Variants in PALLD observed in about 807,000 individuals in gnomAD.
PALLD encodes the protein palladin.
In PALLD, 61 loss-of-function variants were observed where a neutral mutation model predicts 123.5. The ratio of observed to expected loss-of-function variants is 0.49; its 90% CI spans 0.40 to 0.61. The LOEUF is 0.61. Among genes scored for constraint, PALLD ranks in the 20% least tolerant of loss-of-function variants. The pLI is 0.00. For synonymous variants in PALLD, 465 were observed against 496.4 expected, an observed-to-expected ratio of 0.94 and a Z score of 0.84; for missense variants, 1,273 against 1,377.0, an observed-to-expected ratio of 0.92 and a Z score of 1.20.
chr4:168,526,402 G>A (rs1199736791), intron 2 of PALLD, among the ~76,000 whole-genome samples: 1 of 152,334 alleles, frequency 6.6e-6, no homozygotes, highest in Non-Finnish European at 1.5e-5. Flanking sequence ...TGGTTGAAAT[G>A]TTAAACCTTC....
At chr4:168,615,708 G>T (rs935552634) in intron 2 of PALLD, among the ~76,000 whole-genome samples, 5 of 152,174 alleles carry the variant, frequency 3.3e-5, no homozygotes, top group African/African-American at 7.2e-5. Context: ...CCAGCCAAGG[G>T]GGGTGCTTGT....
chr4:168,744,322 G>C (rs1276063248), intron 10 of PALLD, among the ~76,000 whole-genome samples: 1 of 152,162 alleles, frequency 6.6e-6, no homozygotes, highest in Admixed American at 6.5e-5. Flanking sequence ...TAGGAATATA[G>C]ATCAGTGAGA....
chr4:168,823,236 G>T (rs1172716478), intron 10 of PALLD, among the ~76,000 whole-genome samples: 1 of 152,122 alleles, frequency 6.6e-6, no homozygotes, highest in African/African-American at 2.4e-5. Flanking sequence ...GAATAAATTG[G>T]CCCTGCCTAA....
chr4:168,864,896 A>G (rs971169749), intron 10 of PALLD, among the ~76,000 whole-genome samples: 1 of 152,252 alleles, frequency 6.6e-6, no homozygotes, highest in Non-Finnish European at 1.5e-5. Context: ...CAGATGAATA[A>G]CTGTTGACTA....
rs115783068 is a variant in PALLD, at chr4:168,821,567, T to A, written c.1965-69355T>A. Among the ~76,000 whole-genome samples, 789 of 152,194 alleles carry A rather than the reference T, an allele frequency of 5.2e-3. 5 individuals carry two copies. The highest frequency in any genetic ancestry group is 0.017 in the African/African-American group (722 of 41,536). ...AGAGAGAAAAATTTGAAGAATTAGA[T>A]GAATATACGTATAAAGAGAAGTTTT... is the stretch of plus-strand genomic sequence containing the variant. On this transcript the variant is annotated intron_variant, in intron 10 of 21. Coordinates refer to ENST00000505667, the MANE Select transcript of PALLD (RefSeq NM_001166108.2).
At chr4:168,732,576 A>G (rs772495019) in intron 10 of PALLD, among the ~76,000 whole-genome samples, 2 of 152,224 alleles carry the variant, frequency 1.3e-5, no homozygotes, top group Non-Finnish European at 2.9e-5. Context: ...AAACACAAAT[A>G]TCTATAAGGC....
At chr4:168,811,561 C>T (rs1741115372) in intron 10 of PALLD, among the ~76,000 whole-genome samples, 1 of 151,978 alleles carries the variant, frequency 6.6e-6, no homozygotes, top group Admixed American at 6.6e-5. Context: ...ATAGTGAGAC[C>T]TCATCTACAA....
At chr4:168,643,865 C>T (rs974196472) in intron 2 of PALLD, among the ~76,000 whole-genome samples, 1 of 152,022 alleles carries the variant, frequency 6.6e-6, no homozygotes, top group African/African-American at 2.4e-5. Context: ...TCCCTACTTC[C>T]CGATTAGGAA....
Position 168,533,737 on chromosome 4 carries a change from G to A in PALLD, c.908+21325G>A, listed in dbSNP as rs1314976276. On this transcript the variant is annotated intron_variant, in intron 2 of 21. Coordinates refer to ENST00000505667, the MANE Select transcript of PALLD (RefSeq NM_001166108.2). ...GCAGACAAGAAAGAAAAGGACTCAT[G>A]ACAGATCCATGTGGAGAGCCTGCAC... 3.9e-5 allele frequency among the ~76,000 whole-genome samples: 6 copies of A among 152,262 alleles called. No homozygotes were observed. The East Asian group carries it at 1.2e-3, about 29-fold the overall frequency.
chr4:168,591,303 C>T (rs1450862745), intron 2 of PALLD, among the ~76,000 whole-genome samples: 3 of 152,188 alleles, frequency 2.0e-5, no homozygotes, highest in Non-Finnish European at 4.4e-5. Context: ...ATGAGTCTGC[C>T]TGCTGAGGTG....
chr4:168,539,194 G>T (rs2149501719), intron 2 of PALLD, among the ~76,000 whole-genome samples: 1 of 152,274 alleles, frequency 6.6e-6, no homozygotes, highest in East Asian at 1.9e-4. Context: ...GAGGCTTAGA[G>T]AAATTAAGTA....
intron 2 of PALLD, among the ~76,000 whole-genome samples, chr4:168,649,551 T>C (rs1302130503): frequency 2.6e-5 from 4 of 152,222 alleles, no homozygotes; most frequent in South Asian, 4.1e-4. Flanking sequence ...TTTCTGTGCC[T>C]CCACAATGGT....
chr4:168,889,542 G>A (rs560428854), intron 10 of PALLD, among the ~76,000 whole-genome samples: 8 of 152,140 alleles, frequency 5.3e-5, no homozygotes, highest in East Asian at 3.9e-4. Context: ...CAATTTATAC[G>A]TATACCTCAA....
rs914773545 is a variant in PALLD, at chr4:168,586,588, T to A, written c.908+74176T>A. Among the ~76,000 whole-genome samples, 3 of 152,148 alleles carry A rather than the reference T, an allele frequency of 2.0e-5. No individual in the cohort carries two copies. In the East Asian group the frequency reaches 5.8e-4, roughly 29 times the overall value. On this transcript the variant is annotated intron_variant, in intron 2 of 21. Transcript: ENST00000505667. The stretch of plus-strand genomic sequence containing the variant: ...CTGCCAAGCTAAAACGTAAGCTGAA[T>A]CATTGTGCAAGTATGGATTAGAACC...
intron 6 of PALLD, among the ~76,000 whole-genome samples, chr4:168,688,331 G>T (rs1040730888): frequency 1.3e-5 from 2 of 152,212 alleles, no homozygotes; most frequent in African/African-American, 4.8e-5. Context: ...TCTCACAGCT[G>T]GTCAGAGGCA....
At chr4:168,636,834 A>C (rs1364649802) in intron 2 of PALLD, among the ~76,000 whole-genome samples, 1 of 152,166 alleles carries the variant, frequency 6.6e-6, no homozygotes, top group Admixed American at 6.5e-5. Flanking sequence ...AGAAACGAGG[A>C]GCTACAGAGC....
chr4:168,841,634 T>G (rs760021317), intron 10 of PALLD, among the ~76,000 whole-genome samples: 2 of 152,216 alleles, frequency 1.3e-5, no homozygotes, highest in Non-Finnish European at 2.9e-5. Context: ...GCTCTCTGTC[T>G]GCTCCTTCTG....
At chr4:168,707,303 T>G (rs1027029190) in intron 8 of PALLD, among the ~76,000 whole-genome samples, 8 of 152,114 alleles carry the variant, frequency 5.3e-5, no homozygotes, top group African/African-American at 1.9e-4. Flanking sequence ...ATTCGGTGGG[T>G]GAACTATTTG....
chr4:168,628,302 T>C (rs1775490267), intron 2 of PALLD, among the ~76,000 whole-genome samples: 2 of 152,228 alleles, frequency 1.3e-5, no homozygotes, highest in South Asian at 4.1e-4. Context: ...TCTGCACTGA[T>C]ATGCATGTAA....
Sources: gnomAD v4.1 joint callset for allele counts (sites outside exome capture counted in the v4.1 genomes callset) on GRCh38, gnomAD v4.1.1 for gene constraint, MANE v1.5 for transcripts, NCBI Gene and HGNC (gene_info 2026-07-23, HGNC 2026-07-21) for gene names.